TAFA1: variants seen among roughly 807,000 people sequenced by gnomAD.
The protein encoded by TAFA1 is TAFA chemokine like family member 1.
TAFA1 carries 4 observed loss-of-function variants against 18.5 expected under a neutral mutation model. The observed-to-expected ratio is 0.22, with a 90% CI of 0.11 to 0.49. The LOEUF is 0.49. Ranked by LOEUF, TAFA1 falls within the 20% of genes least tolerant of loss-of-function variation. The pLI, the probability that TAFA1 is intolerant of heterozygous loss-of-function variation, is 0.98. For synonymous variants in TAFA1, 56 were observed against 55.2 expected (o/e 1.01, Z -0.06); for missense variants, 147 against 169.0 (o/e 0.87, Z 0.72).
intron 2 of TAFA1, among the ~76,000 whole-genome samples, chr3:68,401,217 G>C (rs1304437712): frequency 6.6e-6 from 1 of 152,110 alleles, no homozygotes; most frequent in African/African-American, 2.4e-5. Context: ...GACCCAATCA[G>C]GAGGTTAAGG....
At chr3:68,415,086 G>T (rs930450723) in intron 2 of TAFA1, among the ~76,000 whole-genome samples, 3 of 152,172 alleles carry the variant, frequency 2.0e-5, no homozygotes, top group Non-Finnish European at 4.4e-5. Flanking sequence ...CCAGTGTCGT[G>T]CATGGGGAGA....
At chr3:68,258,250 C>G (rs1054014022) in intron 2 of TAFA1, among the ~76,000 whole-genome samples, 1 of 152,132 alleles carries the variant, frequency 6.6e-6, no homozygotes, top group African/African-American at 2.4e-5. Flanking sequence ...AGTATCTTCG[C>G]AACTTTCTGT....
intron 2 of TAFA1, among the ~76,000 whole-genome samples, chr3:68,158,492 G>A (rs967829620): frequency 6.6e-6 from 1 of 151,470 alleles, no homozygotes; most frequent in East Asian, 1.9e-4. Flanking sequence ...GATACATTGT[G>A]GCCATTTTTC....
intron 2 of TAFA1, among the ~76,000 whole-genome samples, chr3:68,262,326 TATATATATATATATATATATATA>T (rs1168918349): frequency 1.6e-4 from 11 of 70,704 alleles, no homozygotes; most frequent in East Asian, 6.4e-4. Context: ...TATATATATA[TATATATATATATATATATATATA>T]TATATATATT....
chr3:68,288,045 C>G (rs182965096), intron 2 of TAFA1, among the ~76,000 whole-genome samples: 9 of 152,180 alleles, frequency 5.9e-5, no homozygotes, highest in Admixed American at 1.3e-4. Context: ...TAGTGAAGCG[C>G]TTTCCTTGGG....
chr3:68,428,022 G>T (rs1047501119), intron 3 of TAFA1, among the ~76,000 whole-genome samples: 8 of 151,894 alleles, frequency 5.3e-5, no homozygotes, highest in Admixed American at 1.3e-4. Context: ...CCAGTCTTGG[G>T]TATTTCTTTA....
intron 2 of TAFA1, among the ~76,000 whole-genome samples, chr3:68,149,049 T>C (rs1295405978): frequency 6.6e-6 from 1 of 152,226 alleles, no homozygotes; most frequent in East Asian, 1.9e-4. Context: ...TAATACTGAG[T>C]GTACCTGGAA....
chr3:68,396,195 G>C (rs539920088), intron 2 of TAFA1, among the ~76,000 whole-genome samples: 3 of 152,072 alleles, frequency 2.0e-5, no homozygotes, highest in Admixed American at 6.6e-5. Context: ...CAGAATTCTA[G>C]TGTTTGCTTC....
At chr3:68,428,775 T>G (rs1345589104) in intron 3 of TAFA1, among the ~76,000 whole-genome samples, 7 of 151,998 alleles carry the variant, frequency 4.6e-5, no homozygotes, top group Admixed American at 4.6e-4. Flanking sequence ...ATTGGGCAAT[T>G]AACTAGACAC....
At chr3:68,279,127 A>C (rs1384070242) in intron 2 of TAFA1, among the ~76,000 whole-genome samples, 2 of 152,192 alleles carry the variant, frequency 1.3e-5, no homozygotes, top group Non-Finnish European at 2.9e-5. Context: ...TCTAACCTAG[A>C]ACCAAGGCCT....
intron 2 of TAFA1, among the ~76,000 whole-genome samples, chr3:68,284,405 T>C (rs2067958278): frequency 6.6e-6 from 1 of 152,228 alleles, no homozygotes; most frequent in South Asian, 2.1e-4. Context: ...GAATGTCAAA[T>C]GTTACAATGT....
the TAFA1 span, among the ~76,000 whole-genome samples, chr3:67,995,044 T>C: frequency 1.6e-3 from 240 of 152,034 alleles, 1 homozygote; most frequent in Non-Finnish European, 2.3e-3. Context: ...AAATATGAAC[T>C]AGAAAAAAAA....
At chr3:68,140,460 C>T (rs756246032) in intron 2 of TAFA1, among the ~76,000 whole-genome samples, 11 of 152,138 alleles carry the variant, frequency 7.2e-5, no homozygotes, top group Non-Finnish European at 1.0e-4. Flanking sequence ...GGATGATATC[C>T]TCTACATTTG....
chr3:68,199,078 A>G (rs969516817), intron 2 of TAFA1, among the ~76,000 whole-genome samples: 1 of 151,514 alleles, frequency 6.6e-6, no homozygotes, highest in South Asian at 2.1e-4. Context: ...TGATTGATTG[A>G]TTTTGCACAT....
At chr3:68,348,302 A>T (rs1360074690) in intron 2 of TAFA1, among the ~76,000 whole-genome samples, 1 of 152,198 alleles carries the variant, frequency 6.6e-6, no homozygotes, top group Non-Finnish European at 1.5e-5. Context: ...TATACTAACC[A>T]GTATTTGTAT....
intron 2 of TAFA1, among the ~76,000 whole-genome samples, chr3:68,043,498 C>CA (rs1373678294): frequency 6.6e-6 from 1 of 152,006 alleles, no homozygotes. Flanking sequence ...AAGAACTATG[C>CA]AAATAGAATA....
chr3:68,399,692 G>A (rs1408161172), intron 2 of TAFA1, among the ~76,000 whole-genome samples: 3 of 152,130 alleles, frequency 2.0e-5, no homozygotes, highest in African/African-American at 7.2e-5. Flanking sequence ...TGGTTACTGT[G>A]TTCTAGGCAC....
Position 68,173,073 on chromosome 3 carries a change from T to C in TAFA1, c.118+166329T>C, listed in dbSNP as rs532862082. Among the ~76,000 whole-genome samples, 3 of 152,220 alleles carry C rather than the reference T, an allele frequency of 2.0e-5. No homozygotes were observed. The South Asian group carries it at 6.2e-4, about 32-fold the overall frequency. On this transcript the variant is annotated intron_variant, in intron 2 of 4. Coordinates refer to ENST00000478136, the MANE Select transcript of TAFA1 (RefSeq NM_213609.4). Reference sequence around the variant, plus strand: ...AAATGGAGGGTTAGCTAAAGAGCTATAGTCCTTGAGCTCAGTACAAAAAAG... The same window carrying C: ...AAATGGAGGGTTAGCTAAAGAGCTACAGTCCTTGAGCTCAGTACAAAAAAG...
At chr3:68,531,177 A>C (rs2073183658) in intron 3 of TAFA1, among the ~76,000 whole-genome samples, 1 of 152,140 alleles carries the variant, frequency 6.6e-6, no homozygotes, top group African/African-American at 2.4e-5. Flanking sequence ...AAAATGGGTT[A>C]GTGATAATAC....
Sources: gnomAD v4.1 joint callset for allele counts (sites outside exome capture counted in the v4.1 genomes callset) on GRCh38, gnomAD v4.1.1 for gene constraint, MANE v1.5 for transcripts, NCBI Gene and HGNC (gene_info 2026-07-23, HGNC 2026-07-21) for gene names.